ARFGEF1: variants seen among roughly 807,000 people sequenced by gnomAD.
ARFGEF1 encodes the protein brefeldin A-inhibited guanine nucleotide-exchange protein 1.
ARFGEF1 carries 42 observed loss-of-function variants against 231.0 expected under a neutral mutation model. The observed-to-expected ratio is 0.18, with a 90% CI of 0.14 to 0.24. ARFGEF1 has a LOEUF of 0.24. Ranked by LOEUF, ARFGEF1 falls within the 10% of genes least tolerant of loss-of-function variation. The pLI is 1.00. For missense variants in ARFGEF1, 1,345 were observed against 2,192.0 expected (o/e 0.61, Z 7.72); for synonymous variants, 710 against 732.3 (o/e 0.97, Z 0.49).
intron 33 of ARFGEF1, among the ~76,000 whole-genome samples, chr8:67,213,189 C>T (rs1398787248): frequency 6.6e-6 from 1 of 152,156 alleles, no homozygotes; most frequent in Non-Finnish European, 1.5e-5. Context: ...TAACCGTTGA[C>T]AATTTGTTAA....
rs34297561 is a variant in ARFGEF1, at chr8:67,236,365, AATATATATATATATATAT to A, written c.3289+1960_3289+1977del. ...GATATTAGTTAAAAAAAAAAAAAAA[AATATATATATATATATAT>A]ATATATATATATATATATATATATA... On this transcript the variant is annotated intron_variant, in intron 22 of 38. Transcript: ENST00000262215. Among the ~76,000 whole-genome samples, 248 of 29,058 alleles carry A rather than the reference AATATATATATATATATAT, an allele frequency of 8.5e-3. 7 individuals are homozygous for A. The highest frequency in any genetic ancestry group is 0.042 in the Middle Eastern group (1 of 24). 19.1% of individuals were successfully genotyped at this position (29,058 alleles called of 152,430 possible).
chr8:67,306,935 A>G (rs534131519), intron 1 of ARFGEF1, among the ~76,000 whole-genome samples: 1 of 152,250 alleles, frequency 6.6e-6, no homozygotes, highest in African/African-American at 2.4e-5. Context: ...CCCGCCACCA[A>G]GCACAGCTAA....
chr8:67,264,778 T>C (rs1804781076), intron 14 of ARFGEF1, among the ~76,000 whole-genome samples: 1 of 152,142 alleles, frequency 6.6e-6, no homozygotes, highest in South Asian at 2.1e-4. Context: ...CGAAGCCCTC[T>C]GACTACTCCT....
intron 1 of ARFGEF1, among the ~76,000 whole-genome samples, chr8:67,314,523 C>G (rs571920047): frequency 1.3e-5 from 2 of 152,246 alleles, no homozygotes; most frequent in South Asian, 2.1e-4. Flanking sequence ...AAACTTCTCC[C>G]GCAAACAGAC....
At position 67,219,517 on chromosome 8, in the gene ARFGEF1, T is replaced by C. The variant is rs779653335; in HGVS notation, c.4252A>G (p.Thr1418Ala). 2 of 1,610,516 alleles carry C rather than the reference T, an allele frequency of 1.2e-6. No homozygotes were observed. The highest frequency in any genetic ancestry group is 2.2e-5 in the East Asian group (1 of 44,716). ...TCCTGCCACCAGTGTTTCTCATAAG[T>C]GTGGCCATATGTTTTCATTATTTCA... ...MFEIMKTYGH[T>A]YEKHWWQDLF... The change falls in exon 30 of 39, where the codon ACT becomes GCT. Residue 1418 changes from threonine to alanine, a missense_variant. Coordinates refer to ENST00000262215, the MANE Select transcript of ARFGEF1 (RefSeq NM_006421.5).
At chr8:67,278,811 C>T (rs1563884218) in intron 7 of ARFGEF1, among the ~76,000 whole-genome samples, 1 of 152,034 alleles carries the variant, frequency 6.6e-6, no homozygotes. Context: ...GCAAGTTTTG[C>T]ATTAATAAGT....
intron 1 of ARFGEF1, among the ~76,000 whole-genome samples, chr8:67,322,123 T>G (rs536827791): frequency 1.3e-5 from 2 of 152,242 alleles, no homozygotes; most frequent in Non-Finnish European, 2.9e-5. Flanking sequence ...AACAGGTACC[T>G]TTCAAGGTTG....
intron 23 of ARFGEF1, among the ~76,000 whole-genome samples, chr8:67,228,549 T>C (rs1839454207): frequency 6.6e-6 from 1 of 152,000 alleles, no homozygotes; most frequent in Non-Finnish European, 1.5e-5. Context: ...CGGATAGATA[T>C]GAGATTCTAA....
At position 67,180,974 on chromosome 8, in the gene ARFGEF1, T is replaced by C. The variant is rs1832870403; in HGVS notation, c.561-5402A>G. On this transcript the variant is annotated intron_variant, in intron 5 of 5. Transcript: ENST00000518789. ...CATATTAGTTGTATTTCAGGCCAAT[T>C]ACTTTAGATTTTCATGTGATAAAAT... 3.3e-5 allele frequency among the ~76,000 whole-genome samples: 5 copies of C among 152,144 alleles called. No homozygotes were observed. In the South Asian group the frequency reaches 1.0e-3, roughly 31 times the overall value.
At chr8:67,199,203 G>T in intron 38 of ARFGEF1, 105 bp from the exon 39 acceptor site, 1 of 1,385,762 alleles carries the variant, frequency 7.2e-7, no homozygotes, top group Non-Finnish European at 9.8e-7. Flanking sequence ...AGCCAGGAAA[G>T]CAGGGTCCAC....
Position 67,177,851 on chromosome 8 carries a change from T to A in ARFGEF1, c.561-2279A>T, listed in dbSNP as rs1563763443. 5.3e-6 allele frequency: 4 copies of A among 750,126 alleles called. No individual in the cohort carries two copies. In the African/African-American group the frequency reaches 6.9e-5, roughly 13 times the overall value. 46.5% of individuals were successfully genotyped at this position (750,126 alleles called of 1,614,324 possible). ...TATTGAATTAAGAACGTAAGTCTTA[T>A]CAGTAAAGTGGATAGCTTGAGAAGT... is the stretch of plus-strand genomic sequence containing the variant. On this transcript the variant is annotated intron_variant, in intron 5 of 5. Coordinates refer to the ARFGEF1 transcript ENST00000518789.
chr8:67,281,026 A>C (rs1337966731), intron 7 of ARFGEF1, among the ~76,000 whole-genome samples: 1 of 152,104 alleles, frequency 6.6e-6, no homozygotes, highest in African/African-American at 2.4e-5. Context: ...GTGCTATAAA[A>C]AAAAAAAAGC....
chr8:67,277,232 A>G (rs1805351215), intron 8 of ARFGEF1, 50 bp downstream of exon 8: 1 of 1,575,826 alleles, frequency 6.3e-7, no homozygotes, highest in African/African-American at 1.4e-5. Flanking sequence ...TAGCCTATAA[A>G]TTTGTAAGAT....
intron 1 of ARFGEF1, among the ~76,000 whole-genome samples, chr8:67,313,677 C>T (rs540935761): frequency 6.6e-6 from 1 of 152,282 alleles, no homozygotes; most frequent in Non-Finnish European, 1.5e-5. Context: ...GCGGAGGGTG[C>T]AATGGACTCC....
chr8:67,328,974 T>A (rs532424739), intron 1 of ARFGEF1, among the ~76,000 whole-genome samples: 1 of 152,162 alleles, frequency 6.6e-6, no homozygotes. Context: ...ACCTGTATAA[T>A]CCCTGGACTT....
At chr8:67,316,965 G>A (rs1807346244) in intron 1 of ARFGEF1, among the ~76,000 whole-genome samples, 1 of 152,190 alleles carries the variant, frequency 6.6e-6, no homozygotes, top group South Asian at 2.1e-4. Context: ...CACCTCCAAG[G>A]AGGGGAGGGG....
chr8:67,333,904 A>C (rs2128935070), intron 1 of ARFGEF1, among the ~76,000 whole-genome samples: 1 of 152,166 alleles, frequency 6.6e-6, no homozygotes, highest in East Asian at 1.9e-4. Context: ...TTGGGAGGCC[A>C]AGGTCAGCGG....
rs753201303 is a variant in ARFGEF1, at chr8:67,302,460, A to G, written c.131T>C (p.Ile44Thr). The stretch of plus-strand genomic sequence containing the variant: ...CCTCTGTTTTTCAGTTTCCGCTTTT[A>G]TTTCCTCTGAGGGGAAAAAAAAAGA... The part of the protein sequence containing the change: ...RKACEVALEE[I>T]KAETEKQSPP... The change falls in exon 2 of 39, where the codon ATA (isoleucine) becomes ACA (threonine). Residue 44 changes from isoleucine (I) to threonine (T), a missense_variant. This residue lies in a region of ARFGEF1 where 398 missense variants were observed against 463.2 expected (regional missense o/e 0.86). Coordinates refer to ENST00000262215, the MANE Select transcript of ARFGEF1 (RefSeq NM_006421.5). 1.3e-6 allele frequency: 2 copies of G among 1,570,450 alleles called. No individual in the cohort carries two copies. The highest frequency in any genetic ancestry group is 1.7e-6 in the Non-Finnish European group (2 of 1,162,484).
intron 9 of ARFGEF1, among the ~76,000 whole-genome samples, chr8:67,273,796 A>T (rs1805200166): frequency 6.6e-6 from 1 of 152,138 alleles, no homozygotes; most frequent in Non-Finnish European, 1.5e-5. Flanking sequence ...AAGACTTCAA[A>T]TAGCTACAGG....
Sources: gnomAD v4.1 joint callset for allele counts (sites outside exome capture counted in the v4.1 genomes callset) on GRCh38, gnomAD v4.1.1 for gene constraint, gnomAD v4.1.1 regional missense constraint, MANE v1.5 for transcripts, NCBI Gene and HGNC (gene_info 2026-07-23, HGNC 2026-07-21) for gene names.